The following ASCC3 variants were observed in gnomAD, a reference collection of about 807,000 sequenced individuals.
ASCC3 encodes the protein activating signal cointegrator 1 complex subunit 3, also known as ASC-1 complex subunit P200.
In ASCC3, 158 loss-of-function variants were observed where a neutral mutation model predicts 256.3. The observed-to-expected ratio is 0.62, with a 90% CI of 0.54 to 0.70. The LOEUF (loss-of-function observed/expected upper bound fraction) is 0.70, where lower values mean the gene tolerates loss of function less well. ASCC3 is among the 30% of genes least tolerant of loss of function. ASCC3 has a pLI of 0.00. For synonymous variants in ASCC3, 948 were observed against 883.4 expected, an observed-to-expected ratio of 1.07 and a Z score of -1.30; for missense variants, 2,259 against 2,626.0, an observed-to-expected ratio of 0.86 and a Z score of 3.05.
chr6:100,677,062 G>A (rs1777061243), intron 14 of ASCC3, among the ~76,000 whole-genome samples: 6 of 151,958 alleles, frequency 3.9e-5, no homozygotes, highest in Admixed American at 3.9e-4. Flanking sequence ...TCAAAAACAT[G>A]GGAGGAAATG....
At chr6:100,592,396 C>T (rs547034145) in intron 34 of ASCC3, among the ~76,000 whole-genome samples, 1 of 151,890 alleles carries the variant, frequency 6.6e-6, no homozygotes, top group African/African-American at 2.4e-5. Context: ...CTGATCTTTA[C>T]CAAATACTAT....
At chr6:100,627,489 G>T in intron 29 of ASCC3, 101 bp downstream of exon 29, 1 of 1,457,074 alleles carries the variant, frequency 6.9e-7, no homozygotes, top group African/African-American at 1.4e-5. Context: ...GTAGAAGCTG[G>T]ACCAGTATCA....
At chr6:100,520,413 TTCCTTCTTC>T (rs561941773) in intron 37 of ASCC3, among the ~76,000 whole-genome samples, 1 of 151,914 alleles carries the variant, frequency 6.6e-6, no homozygotes, top group Non-Finnish European at 1.5e-5. Context: ...CTTTAAATGT[TTCCTTCTTC>T]TCCTTCTTCT....
At chr6:100,641,726 G>T (rs963550160) in intron 24 of ASCC3, among the ~76,000 whole-genome samples, 2 of 152,146 alleles carry the variant, frequency 1.3e-5, no homozygotes, top group Non-Finnish European at 2.9e-5. Flanking sequence ...TATGTTTACT[G>T]CAGCACTATT....
intron 4 of ASCC3, among the ~76,000 whole-genome samples, chr6:100,821,872 T>C (rs1015720424): frequency 3.9e-5 from 6 of 151,918 alleles, no homozygotes; most frequent in African/African-American, 1.5e-4. Flanking sequence ...ACAACATGAA[T>C]GAACTATGAA....
intron 38 of ASCC3, among the ~76,000 whole-genome samples, chr6:100,517,631 C>T (rs1432121068): frequency 2.6e-5 from 4 of 152,088 alleles, no homozygotes; most frequent in South Asian, 2.1e-4. Context: ...ATCTCCTCAA[C>T]GATAACAGAC....
intron 4 of ASCC3, among the ~76,000 whole-genome samples, chr6:100,815,700 A>C (rs1465499970): frequency 6.6e-6 from 1 of 152,184 alleles, no homozygotes; most frequent in Non-Finnish European, 1.5e-5. Flanking sequence ...TGCTAGAATA[A>C]CTGACTAGCC....
chr6:100,701,241 T>G (rs905792047), intron 13 of ASCC3, among the ~76,000 whole-genome samples: 3 of 152,210 alleles, frequency 2.0e-5, no homozygotes, highest in African/African-American at 7.2e-5. Context: ...ACAACTAACT[T>G]TACTTACTCC....
Position 100,589,678 on chromosome 6 carries a change from A to G in ASCC3, c.5506T>C (p.Leu1836=), listed in dbSNP as rs762089787. The change falls in exon 36 of 42, where the codon TTG becomes CTG. Residue 1836 remains leucine (L), a synonymous_variant. Coordinates refer to ENST00000369162, the MANE Select transcript of ASCC3 (RefSeq NM_006828.4). ...TCTTCAGTACTGCATTCAGGCTTCA[A>G]GCGGTCCTTGAACATTTTAACTGTT... is the stretch of plus-strand genomic sequence containing the variant. ...HQTVKMFKDR[L]KPECSTEELL... 1 of 1,613,786 alleles carries G rather than the reference A, an allele frequency of 6.2e-7. No homozygotes were observed. The highest frequency in any genetic ancestry group is 1.3e-5 in the African/African-American group (1 of 75,042).
chr6:100,594,663 C>G (rs866584861), intron 34 of ASCC3, among the ~76,000 whole-genome samples: 1 of 152,166 alleles, frequency 6.6e-6, no homozygotes, highest in Non-Finnish European at 1.5e-5. Context: ...AGCATATGAT[C>G]CAGCAATCCC....
intron 14 of ASCC3, among the ~76,000 whole-genome samples, chr6:100,669,631 A>G (rs888275953): frequency 4.6e-5 from 7 of 151,854 alleles, no homozygotes; most frequent in Non-Finnish European, 8.8e-5. Context: ...TCCAGGAGAA[A>G]TTCTACAACT....
chr6:100,841,791 T>C (rs561941358), intron 4 of ASCC3, among the ~76,000 whole-genome samples: 28 of 152,166 alleles, frequency 1.8e-4, no homozygotes, highest in African/African-American at 6.7e-4. Flanking sequence ...TGCACACATA[T>C]AGGACTGAAT....
At chr6:100,795,240 G>A (rs765703774) in intron 8 of ASCC3, among the ~76,000 whole-genome samples, 3 of 151,868 alleles carry the variant, frequency 2.0e-5, no homozygotes, top group South Asian at 2.1e-4. Flanking sequence ...ATGGGGAAAC[G>A]GTCATGTTTG....
At chr6:100,549,454 G>A (rs560585411) in intron 36 of ASCC3, among the ~76,000 whole-genome samples, 1 of 151,840 alleles carries the variant, frequency 6.6e-6, no homozygotes, top group South Asian at 2.1e-4. Flanking sequence ...GTGTCACCTT[G>A]GTTTTCTTCT....
intron 13 of ASCC3, among the ~76,000 whole-genome samples, chr6:100,712,502 A>G (rs896551555): frequency 1.3e-5 from 2 of 152,308 alleles, no homozygotes; most frequent in African/African-American, 4.8e-5. Context: ...AATGTCAAGC[A>G]TATGAAAAGA....
intron 20 of ASCC3, among the ~76,000 whole-genome samples, chr6:100,649,403 TAAAAC>T (rs1463611428): frequency 1.3e-5 from 2 of 151,488 alleles, no homozygotes; most frequent in Non-Finnish European, 3.0e-5. Flanking sequence ...GAAAAACAGA[TAAAAC>T]AAAGGAGATT....
chr6:100,843,917 A>G (rs1378556787), intron 4 of ASCC3, among the ~76,000 whole-genome samples: 2 of 151,906 alleles, frequency 1.3e-5, no homozygotes, highest in African/African-American at 2.4e-5. Flanking sequence ...TATATGGTGC[A>G]AACACTTGAG....
intron 25 of ASCC3, among the ~76,000 whole-genome samples, chr6:100,637,088 C>G (rs537758410): frequency 6.6e-6 from 1 of 152,252 alleles, no homozygotes; most frequent in South Asian, 2.1e-4. Context: ...TCATCAAGGA[C>G]TTTCACAGGT....
chr6:100,557,091 T>C (rs1769619541), intron 36 of ASCC3, among the ~76,000 whole-genome samples: 1 of 152,200 alleles, frequency 6.6e-6, no homozygotes, highest in African/African-American at 2.4e-5. Flanking sequence ...GACATGGGAA[T>C]ATCTACTGAG....
Sources: gnomAD v4.1 joint callset for allele counts (sites outside exome capture counted in the v4.1 genomes callset) on GRCh38, gnomAD v4.1.1 for gene constraint, MANE v1.5 for transcripts, NCBI Gene and HGNC (gene_info 2026-07-23, HGNC 2026-07-21) for gene names.